SPOP: variants seen among roughly 807,000 people sequenced by gnomAD.
The protein encoded by SPOP is speckle-type POZ protein.
SPOP carries 11 observed loss-of-function variants against 45.6 expected under a neutral mutation model. The observed-to-expected ratio is 0.24, with a 90% CI of 0.15 to 0.40. SPOP has a LOEUF of 0.40. SPOP is among the 10% of genes least tolerant of loss of function. The pLI, the probability that SPOP is intolerant of heterozygous loss-of-function variation, is 1.00. For missense variants in SPOP, 152 were observed against 465.6 expected, an observed-to-expected ratio of 0.33 and a Z score of 6.20; for synonymous variants, 166 against 166.3, an observed-to-expected ratio of 1.00 and a Z score of 0.01.
intron 5 of SPOP, chr17:49,618,692 G>GA: frequency 4.3e-6 from 2 of 469,366 alleles, no homozygotes; most frequent in Admixed American, 3.3e-5. Flanking sequence ...AATGCTATCT[G>GA]AAAAAAATCC....
chr17:49,632,745 C>T (rs2072475755), intron 1 of SPOP, among the ~76,000 whole-genome samples: 1 of 152,142 alleles, frequency 6.6e-6, no homozygotes, highest in South Asian at 2.1e-4. Context: ...TCCCAAATTA[C>T]AGGCGTGAGC....
chr17:49,615,490 C>T (rs187041928), intron 5 of SPOP, among the ~76,000 whole-genome samples: 20 of 151,936 alleles, frequency 1.3e-4, no homozygotes, highest in Non-Finnish European at 2.2e-4. Context: ...CTTCATGTCT[C>T]TATTTATTTA....
At position 49,668,746 on chromosome 17, in the gene SPOP, G is replaced by A. The variant is rs376768650; in HGVS notation, c.-67+9187C>T. On this transcript the variant is annotated intron_variant, in intron 1 of 9. Transcript: ENST00000504102. ...ACACATATATATTGACATATATATA[G>A]ACATATATACACTCATATATATACA... is the stretch of plus-strand genomic sequence containing the variant. Among the ~76,000 whole-genome samples, 49 of 150,314 alleles carry A rather than the reference G, an allele frequency of 3.3e-4. No individual in the cohort carries two copies. The East Asian group carries it at 7.0e-3, about 21-fold the overall frequency.
chr17:49,622,101 G>C (rs1311522345), intron 2 of SPOP, 34 bp from the exon 3 acceptor site: 1 of 1,607,512 alleles, frequency 6.2e-7, no homozygotes, highest in East Asian at 2.2e-5. Context: ...AATTAAATAG[G>C]AAGTGGACAA....
intron 2 of SPOP, 155 bp downstream of exon 2, chr17:49,622,578 A>T (rs1342392327): frequency 1.5e-6 from 1 of 653,192 alleles, no homozygotes. Context: ...TGGAAAACTA[A>T]GGAACCTGAG....
chr17:49,600,355 G>A lies in SPOP; in HGVS notation c.*23C>T, dbSNP rs374401933. ...TGGCTGCTGCTTCTGGAAATTAAAC[G>A]GAGTCTTACAACAAGCAGGATCTTA... On this transcript the variant is annotated 3_prime_UTR_variant, in exon 10 of 10. Transcript: ENST00000504102. The surrounding 1 kb of genome is among the most constrained non-coding windows in gnomAD (Gnocchi z 4.2). The A allele has an allele frequency of 6.2e-6, 10 of 1,612,974 alleles. No homozygotes were observed. The highest frequency in any genetic ancestry group is 5.0e-5 in the Admixed American group (3 of 59,972).
At chr17:49,672,314 G>GT (rs1483619925) in intron 1 of SPOP, among the ~76,000 whole-genome samples, 4 of 152,288 alleles carry the variant, frequency 2.6e-5, no homozygotes, top group Non-Finnish European at 5.9e-5. Context: ...CTGGAGAAGT[G>GT]TAACAGTACA....
intron 1 of SPOP, among the ~76,000 whole-genome samples, chr17:49,628,351 G>A (rs1402005777): frequency 6.6e-6 from 1 of 152,164 alleles, no homozygotes; most frequent in African/African-American, 2.4e-5. Flanking sequence ...TCTGTCAACT[G>A]TAATACTGCT....
intron 1 of SPOP, among the ~76,000 whole-genome samples, chr17:49,648,062 C>T (rs1464853335): frequency 6.6e-6 from 1 of 152,204 alleles, no homozygotes; most frequent in Non-Finnish European, 1.5e-5. Context: ...CCTATCTTTT[C>T]CTATCCTCTT....
chr17:49,651,032 A>G (rs2143489595), intron 1 of SPOP, among the ~76,000 whole-genome samples: 1 of 152,366 alleles, frequency 6.6e-6, no homozygotes, highest in African/African-American at 2.4e-5. Context: ...AGTTTAGAAC[A>G]GTACCTAGCT....
intron 1 of SPOP, among the ~76,000 whole-genome samples, chr17:49,665,810 C>A (rs1035765051): frequency 6.6e-6 from 1 of 150,574 alleles, no homozygotes; most frequent in Admixed American, 6.6e-5. Context: ...ATGCTGAAAC[C>A]CCATCTCTAA....
chr17:49,674,428 C>G (rs1306048616), intron 1 of SPOP, among the ~76,000 whole-genome samples: 1 of 152,164 alleles, frequency 6.6e-6, no homozygotes, highest in Non-Finnish European at 1.5e-5. Context: ...CTTCATGGTT[C>G]AATCTTGGTA....
intron 1 of SPOP, among the ~76,000 whole-genome samples, chr17:49,666,444 GACAGAC>G (rs1242337469): frequency 1.3e-4 from 13 of 97,786 alleles, no homozygotes; most frequent in Non-Finnish European, 9.7e-5. Flanking sequence ...CCTTCATGAA[GACAGAC>G]ACACACACAC....
At chr17:49,623,652 C>T (rs569544841) in intron 1 of SPOP, among the ~76,000 whole-genome samples, 126 of 152,268 alleles carry the variant, frequency 8.3e-4, no homozygotes, top group African/African-American at 2.8e-3. Flanking sequence ...TTGCTGGCTG[C>T]TCTCTTGAAG....
intron 1 of SPOP, among the ~76,000 whole-genome samples, chr17:49,641,460 G>C (rs1327148777): frequency 2.0e-5 from 3 of 151,434 alleles, no homozygotes. Context: ...CACCCAGACA[G>C]TGTCTGGCAC....
intron 5 of SPOP, among the ~76,000 whole-genome samples, chr17:49,614,231 A>G (rs2072035397): frequency 6.6e-6 from 1 of 152,230 alleles, no homozygotes. Flanking sequence ...TTCTACTAGC[A>G]AAAGATTAGC....
chr17:49,600,834 A>G lies in SPOP; in HGVS notation c.981-312T>C. On this transcript the variant is annotated intron_variant, in intron 9 of 9. Coordinates refer to ENST00000504102, the MANE Select transcript of SPOP (RefSeq NM_001007228.2). The surrounding 1 kb of genome is among the most constrained non-coding windows in gnomAD (Gnocchi z 4.2). ...ACCGGTGATGCTAGTCATAAAAAGG[A>G]GCATGGGCTCCCTCGGCCAGAAGCC... is the stretch of plus-strand genomic sequence containing the variant. The G allele has an allele frequency of 3.7e-6, 1 of 272,332 alleles. No individual in the cohort carries two copies. The highest frequency in any genetic ancestry group is 5.8e-5 in the South Asian group (1 of 17,160). 16.9% of individuals were successfully genotyped at this position (272,332 alleles called of 1,614,324 possible). A position where few individuals can be genotyped will look rare whatever the true frequency, so the allele number is the denominator to read the frequency against.
At chr17:49,635,841 C>T (rs1567787944) in intron 1 of SPOP, among the ~76,000 whole-genome samples, 1 of 151,858 alleles carries the variant, frequency 6.6e-6, no homozygotes, top group Non-Finnish European at 1.5e-5. Context: ...TCCATGTTGG[C>T]CAGGCTGGTC....
At chr17:49,647,376 T>A (rs542714917) in intron 1 of SPOP, among the ~76,000 whole-genome samples, 20 of 150,916 alleles carry the variant, frequency 1.3e-4, no homozygotes, top group Non-Finnish European at 2.8e-4. Flanking sequence ...GGAGCACCAT[T>A]ATTAATGGAG....
Sources: gnomAD v4.1 joint callset for allele counts (sites outside exome capture counted in the v4.1 genomes callset) on GRCh38, gnomAD v4.1.1 for gene constraint, Gnocchi (gnomAD v3.1) non-coding constraint, MANE v1.5 for transcripts, NCBI Gene and HGNC (gene_info 2026-07-23, HGNC 2026-07-21) for gene names.